The following CEP120 variants were observed in gnomAD, a reference collection of about 807,000 sequenced individuals.
CEP120 encodes the protein centrosomal protein of 120 kDa.
A neutral mutation model predicts 126.5 loss-of-function variants in CEP120; 113 were observed. The ratio of observed to expected loss-of-function variants is 0.89; its 90% CI spans 0.77 to 1.04. CEP120 has a LOEUF of 1.04. CEP120 is among the 50% of genes least tolerant of loss of function. The pLI, the probability that CEP120 is intolerant of heterozygous loss-of-function variation, is 0.00. For missense variants in CEP120, 1,230 were observed against 1,155.7 expected (o/e 1.06, Z -0.93); for synonymous variants, 400 against 394.3 (o/e 1.01, Z -0.17).
At chr5:123,403,230 C>A (rs748170423) in intron 4 of CEP120, 5 of 454,022 alleles carry the variant, frequency 1.1e-5, no homozygotes, top group South Asian at 6.2e-5. Flanking sequence ...GCACCTAGAT[C>A]TTGGCTTCTA....
At chr5:123,346,857 AT>A in intron 19 of CEP120, 104 bp from the exon 20 acceptor site, 2 of 868,986 alleles carry the variant, frequency 2.3e-6, no homozygotes, top group Non-Finnish European at 3.3e-6. Flanking sequence ...TTTTAGTAAT[AT>A]TTTCAGGAAG....
At chr5:123,351,318 ATT>A (rs1274379155) in intron 18 of CEP120, among the ~76,000 whole-genome samples, 2 of 152,158 alleles carry the variant, frequency 1.3e-5, no homozygotes, top group Admixed American at 1.3e-4. Context: ...TTCATTTAAC[ATT>A]GTTTTTGAGA....
In CEP120 at chr5:123,382,163, G is replaced by C; in HGVS notation, c.2051C>G (p.Ala684Gly). ...QKELAHMQAL[A>G]EEWKKRDRER... ...TCGGTCCCTTTTCTTCCATTCCTCT[G>C]CAAGAGCCTGCATATGAGCCAGTTC... Residue 684 changes from alanine to glycine, a missense_variant, in exon 14 of 20, where the codon GCA (alanine) becomes GGA (glycine). Transcript: ENST00000306467. 1.2e-6 allele frequency: 2 copies of C among 1,608,316 alleles called. No homozygotes were observed. The highest frequency in any genetic ancestry group is 1.1e-5 in the South Asian group (1 of 90,628).
chr5:123,350,196 C>T, intron 18 of CEP120, 107 bp from the exon 19 acceptor site: 2 of 935,802 alleles, frequency 2.1e-6, no homozygotes, highest in Admixed American at 6.2e-5. Flanking sequence ...CATGATATAG[C>T]CACACACTGC....
intron 18 of CEP120, among the ~76,000 whole-genome samples, chr5:123,364,007 AT>A (rs1452239949): frequency 1.3e-5 from 2 of 151,600 alleles, no homozygotes; most frequent in South Asian, 2.1e-4. Context: ...AAAGAAAAAA[AT>A]ATAATAATTC....
chr5:123,383,340 G>A (rs957863481), intron 11 of CEP120, among the ~76,000 whole-genome samples: 1 of 151,916 alleles, frequency 6.6e-6, no homozygotes, highest in African/African-American at 2.4e-5. Flanking sequence ...AAGGTATAAA[G>A]GTGAAATTTA....
chr5:123,360,659 G>C (rs531002417), intron 18 of CEP120, among the ~76,000 whole-genome samples: 2 of 151,902 alleles, frequency 1.3e-5, no homozygotes, highest in African/African-American at 4.8e-5. Flanking sequence ...TTGGGCAAGA[G>C]GGTAGGAAAT....
chr5:123,385,169 A>T, intron 10 of CEP120, 36 bp from the exon 11 acceptor site: 2 of 1,492,746 alleles, frequency 1.3e-6, no homozygotes, highest in Non-Finnish European at 1.8e-6. Context: ...ATACCTATCA[A>T]CTCTGACCTA....
chr5:123,399,319 A>T (rs763769418), intron 4 of CEP120, 35 bp from the exon 5 acceptor site: 3 of 1,601,548 alleles, frequency 1.9e-6, no homozygotes, highest in Non-Finnish European at 2.6e-6. Flanking sequence ...ACTACATTGT[A>T]GTTTGTCATA....
chr5:123,401,797 T>A, intron 4 of CEP120: 1 of 1,302,288 alleles, frequency 7.7e-7, no homozygotes, highest in Non-Finnish European at 1.1e-6. Context: ...CGCTTATTGA[T>A]CTCATCCTCA....
At chr5:123,405,240 T>C (rs1420964116) in intron 4 of CEP120, among the ~76,000 whole-genome samples, 1 of 148,044 alleles carries the variant, frequency 6.8e-6, no homozygotes, top group Non-Finnish European at 1.5e-5. Context: ...GAACTGCTAG[T>C]AGCTTGGTGT....
chr5:123,393,212 T>A (rs1772520534), intron 6 of CEP120, 88 bp downstream of exon 6: 1 of 1,168,912 alleles, frequency 8.6e-7, no homozygotes, highest in East Asian at 2.3e-5. Flanking sequence ...AGGATTAAGT[T>A]TAGGTACTAA....
intron 11 of CEP120, among the ~76,000 whole-genome samples, chr5:123,383,493 C>T (rs993417456): frequency 6.6e-6 from 1 of 151,994 alleles, no homozygotes; most frequent in East Asian, 1.9e-4. Context: ...GGGGCATTTT[C>T]TCACATCATA....
chr5:123,352,150 T>C lies in CEP120; in HGVS notation c.2581-2061A>G, dbSNP rs190852580. 1.2e-4 allele frequency among the ~76,000 whole-genome samples: 19 copies of C among 152,210 alleles called. 1 individual carries two copies. The highest frequency in any genetic ancestry group is 1.2e-3 in the Admixed American group (18 of 15,270). On this transcript the variant is annotated intron_variant, in intron 18 of 19. Coordinates refer to ENST00000306467, the MANE Select transcript of CEP120 (RefSeq NM_001375405.1). ...TTTTGGTACTTTACTTGGTTGTCCA[T>C]CTTCTGTTATTGATGTTTATAAATA...
At chr5:123,422,206 C>A (rs1033640812) in intron 1 of CEP120, among the ~76,000 whole-genome samples, 2 of 152,176 alleles carry the variant, frequency 1.3e-5, no homozygotes, top group African/African-American at 4.8e-5. Flanking sequence ...GAATGCCCTT[C>A]CTTTTTTCAC....
chr5:123,397,120 T>G (rs1309555510), intron 5 of CEP120, among the ~76,000 whole-genome samples: 1 of 152,164 alleles, frequency 6.6e-6, no homozygotes, highest in Non-Finnish European at 1.5e-5. Context: ...GGTCAGGAGT[T>G]TGAGACCAAC....
At chr5:123,389,372 T>A (rs1772237069) in intron 8 of CEP120, among the ~76,000 whole-genome samples, 1 of 152,260 alleles carries the variant, frequency 6.6e-6, no homozygotes, top group South Asian at 2.1e-4. Flanking sequence ...TTATTTAATG[T>A]CTATTGAATA....
chr5:123,358,857 G>A (rs562375800), intron 18 of CEP120, among the ~76,000 whole-genome samples: 95 of 151,970 alleles, frequency 6.3e-4, no homozygotes, highest in African/African-American at 1.8e-3. Context: ...ACTAAACAGC[G>A]GCTAAAAAGT....
intron 18 of CEP120, among the ~76,000 whole-genome samples, chr5:123,358,895 A>G (rs1349606036): frequency 6.6e-6 from 1 of 152,078 alleles, no homozygotes; most frequent in African/African-American, 2.4e-5. Context: ...CCACTCACAC[A>G]TACCATGTAA....
Sources: gnomAD v4.1 joint callset for allele counts (sites outside exome capture counted in the v4.1 genomes callset) on GRCh38, gnomAD v4.1.1 for gene constraint, MANE v1.5 for transcripts, NCBI Gene and HGNC (gene_info 2026-07-23, HGNC 2026-07-21) for gene names.